Variants in VPS53 observed in about 807,000 individuals in gnomAD.
VPS53 encodes VPS53 subunit of GARP complex.
A neutral mutation model predicts 107.0 loss-of-function variants in VPS53; 70 were observed. The observed-to-expected ratio is 0.65, with a 90% CI of 0.54 to 0.80. VPS53 has a LOEUF of 0.80. Among genes scored for constraint, VPS53 ranks in the 30% least tolerant of loss-of-function variants. VPS53 has a pLI of 0.00. For synonymous variants in VPS53, 409 were observed against 393.3 expected (o/e 1.04, Z -0.47); for missense variants, 917 against 1,049.4 (o/e 0.87, Z 1.74).
At chr17:525,321 G>C (rs1382069256) in intron 19 of VPS53, among the ~76,000 whole-genome samples, 1 of 152,186 alleles carries the variant, frequency 6.6e-6, no homozygotes, top group East Asian at 1.9e-4. Flanking sequence ...GGGGCATGGA[G>C]GAAGAGATGG....
At chr17:690,114 A>C (rs1407666269) in intron 4 of VPS53, among the ~76,000 whole-genome samples, 1 of 152,180 alleles carries the variant, frequency 6.6e-6, no homozygotes, top group Non-Finnish European at 1.5e-5. Context: ...TTTCATCTAC[A>C]ACTTGAATGA....
chr17:696,967 A>G (rs1040522613), intron 4 of VPS53, among the ~76,000 whole-genome samples: 6 of 152,072 alleles, frequency 3.9e-5, no homozygotes, highest in Admixed American at 1.3e-4. Flanking sequence ...GTGCCCGGCC[A>G]ACTTGTAAAA....
intron 1 of VPS53, among the ~76,000 whole-genome samples, chr17:712,415 G>A (rs971445987): frequency 6.6e-6 from 1 of 151,556 alleles, no homozygotes; most frequent in South Asian, 2.1e-4. Flanking sequence ...TCCTGACATC[G>A]TGATCCACCC....
chr17:537,285 C>T (rs1328293057), intron 17 of VPS53, 109 bp from the exon 18 acceptor site: 29 of 1,297,580 alleles, frequency 2.2e-5, no homozygotes, highest in East Asian at 7.4e-5. Flanking sequence ...CTTTGGTATC[C>T]CAGGAATCAG....
chr17:646,884 A>T (rs1226624209), intron 7 of VPS53, among the ~76,000 whole-genome samples: 1 of 151,694 alleles, frequency 6.6e-6, no homozygotes, highest in Non-Finnish European at 1.5e-5. Flanking sequence ...TCCCACACAC[A>T]TCTCCGTGAC....
chr17:699,384 C>T lies in VPS53; in HGVS notation c.169-4G>A, dbSNP rs1973111673. On this transcript the variant is annotated splice_region_variant and splice_polypyrimidine_tract_variant and intron_variant, in intron 2 of 21. Transcript: ENST00000437048. ...CTTCGTCTATGTTCGCCAGAGACTA[C>T]AATAAAGAAGGAAGAGTGCCCAGCT... 1 of 1,558,418 alleles carries T rather than the reference C, an allele frequency of 6.4e-7. No homozygotes were observed. The highest frequency in any genetic ancestry group is 8.6e-7 in the Non-Finnish European group (1 of 1,157,814).
At chr17:647,395 T>A (rs1471503075) in intron 7 of VPS53, among the ~76,000 whole-genome samples, 1 of 152,196 alleles carries the variant, frequency 6.6e-6, no homozygotes, top group Non-Finnish European at 1.5e-5. Context: ...GTGCCTTCAG[T>A]CCCCAGCACG....
Position 671,948 on chromosome 17 carries a change from A to T in VPS53, c.286-10053T>A, listed in dbSNP as rs143154763. 2.1e-3 allele frequency among the ~76,000 whole-genome samples: 327 copies of T among 152,144 alleles called. 2 individuals carry two copies. The highest frequency in any genetic ancestry group is 7.3e-3 in the African/African-American group (304 of 41,508). ...ATGACCCGCTTACCTCGGCCTCCCA[A>T]CATGCTGGGATTACAGGCGTGAGCC... On this transcript the variant is annotated intron_variant, in intron 4 of 21. Transcript: ENST00000437048.
At chr17:621,419 T>C (rs576485276) in intron 11 of VPS53, among the ~76,000 whole-genome samples, 4 of 152,362 alleles carry the variant, frequency 2.6e-5, no homozygotes, top group African/African-American at 7.2e-5. Context: ...TCTACATGTA[T>C]GGATTTTTTT....
rs536855179 is a variant in VPS53, at chr17:628,315, C to G, written c.688-84G>C. On this transcript the variant is annotated intron_variant, in intron 8 of 21. Coordinates refer to ENST00000437048, the MANE Select transcript of VPS53 (RefSeq NM_001128159.3). The stretch of plus-strand genomic sequence containing the variant: ...TTCTCACAGCCACTACTTGTTATCT[C>G]TACGCATTGTCAGTCTTACTCCTGC... The G allele has an allele frequency of 3.4e-5, 51 of 1,518,576 alleles. No individual in the cohort carries two copies. In the South Asian group the frequency reaches 5.7e-4, roughly 17 times the overall value. 94.1% of individuals were successfully genotyped at this position (1,518,576 alleles called of 1,614,324 possible). A position where few individuals can be genotyped will look rare whatever the true frequency, so the allele number is the denominator to read the frequency against.
Position 627,191 on chromosome 17 carries a change from T to G in VPS53, c.957A>C (p.Glu319Asp). 1 of 1,612,772 alleles carries G rather than the reference T, an allele frequency of 6.2e-7. No individual in the cohort carries two copies. The highest frequency in any genetic ancestry group is 1.1e-5 in the South Asian group (1 of 90,738). The change falls in exon 10 of 22, where the codon GAA becomes GAC. Residue 319 changes from glutamate to aspartate, a missense_variant. Glu to Asp is a conservative substitution (Grantham distance 45, BLOSUM62 2). Coordinates refer to ENST00000437048, the MANE Select transcript of VPS53 (RefSeq NM_001128159.3). Reference sequence around the variant, plus strand: ...GCATCTACCTTGTCACATGGCAAAATTCCACCGCAATCCTCTCAGCCATGC... The same window carrying G: ...GCATCTACCTTGTCACATGGCAAAAGTCCACCGCAATCCTCTCAGCCATGC... ...EWCMAERIAV[E>D]FCHVTRAELA...
rs1363259690 is a variant in VPS53, at chr17:695,950, G to T, written c.285+1468C>A. Among the ~76,000 whole-genome samples the T allele has an allele frequency of 3.9e-5, 6 of 152,352 alleles. No homozygotes were observed. In the East Asian group the frequency reaches 9.6e-4, roughly 24 times the overall value. ...ACAGCTAAGCAGCAGAATGCAGCTGGAGTGCTTGAGGCTGCCCTGTCCCTC... is the reference window on the plus strand; with the variant it reads ...ACAGCTAAGCAGCAGAATGCAGCTGTAGTGCTTGAGGCTGCCCTGTCCCTC... On this transcript the variant is annotated intron_variant, in intron 4 of 21. Coordinates refer to ENST00000437048, the MANE Select transcript of VPS53 (RefSeq NM_001128159.3).
In VPS53 at chr17:620,524, T is replaced by G. The variant is rs150241219; in HGVS notation, c.1116+3009A>C. ...TTCACGGTCTTACACATTAGCTCCG[T>G]GGCCTGGAGTAAGTTTCAAATGAGC... is the stretch of plus-strand genomic sequence containing the variant. On this transcript the variant is annotated intron_variant, in intron 11 of 21. Coordinates refer to ENST00000437048, the MANE Select transcript of VPS53 (RefSeq NM_001128159.3). Among the ~76,000 whole-genome samples the G allele has an allele frequency of 1.1e-4, 16 of 152,314 alleles. No individual in the cohort carries two copies. In the East Asian group the frequency reaches 3.1e-3, roughly 29 times the overall value.
intron 1 of VPS53, 43 bp downstream of exon 1, chr17:714,580 C>A: frequency 1.3e-6 from 2 of 1,570,294 alleles, no homozygotes; most frequent in Non-Finnish European, 1.7e-6. Context: ...GCCGTCTCCC[C>A]TCCCGCACTC....
chr17:530,026 C>CA (rs539003592), intron 19 of VPS53, among the ~76,000 whole-genome samples: 3,982 of 140,660 alleles, frequency 0.028, 54 homozygotes, highest in East Asian at 0.072. Flanking sequence ...GGCAATACAG[C>CA]AAAAAAAAAA....
chr17:714,407 G>T, intron 1 of VPS53: 1 of 574,336 alleles, frequency 1.7e-6, no homozygotes, highest in Non-Finnish European at 3.1e-6. Flanking sequence ...AGAACCCCCA[G>T]CCCTCGCCAA....
At position 613,412 on chromosome 17, in the gene VPS53, A is replaced by T. The variant is rs879464949; in HGVS notation, c.1116+10121T>A. ...ATCAAATAGTGAATTCACACAGTGAAAACCTGCACAGATATTCACAGCAGT... is the reference window on the plus strand; with the variant it reads ...ATCAAATAGTGAATTCACACAGTGATAACCTGCACAGATATTCACAGCAGT... On this transcript the variant is annotated intron_variant, in intron 11 of 21. Coordinates refer to ENST00000437048, the MANE Select transcript of VPS53 (RefSeq NM_001128159.3). Among the ~76,000 whole-genome samples, 11 of 152,364 alleles carry T rather than the reference A, an allele frequency of 7.2e-5. 1 individual carries two copies. The East Asian group carries it at 9.6e-4, about 13-fold the overall frequency.
chr17:679,195 G>A (rs1972291897), intron 4 of VPS53, among the ~76,000 whole-genome samples: 2 of 152,060 alleles, frequency 1.3e-5, no homozygotes, highest in African/African-American at 2.4e-5. Flanking sequence ...GATTGGGGGT[G>A]TGGGAAAGAG....
intron 17 of VPS53, among the ~76,000 whole-genome samples, chr17:543,167 T>C (rs1017229892): frequency 6.6e-5 from 10 of 152,008 alleles, no homozygotes; most frequent in African/African-American, 1.9e-4. Flanking sequence ...AAAATGAAAA[T>C]GAGAACAGAC....
Sources: gnomAD v4.1 joint callset for allele counts (sites outside exome capture counted in the v4.1 genomes callset) on GRCh38, gnomAD v4.1.1 for gene constraint, MANE v1.5 for transcripts, NCBI Gene and HGNC (gene_info 2026-07-23, HGNC 2026-07-21) for gene names.